The following CCDC171 variants were observed in gnomAD, a reference collection of about 807,000 sequenced individuals.
The protein encoded by CCDC171 is coiled-coil domain containing 171.
A neutral mutation model predicts 168.2 loss-of-function variants in CCDC171; 177 were observed. That is an observed-to-expected ratio of 1.05 (90% CI 0.93 to 1.19). The LOEUF (loss-of-function observed/expected upper bound fraction) is 1.19, where lower values mean the gene tolerates loss of function less well. Ranked by LOEUF, CCDC171 falls within the 50% of genes most tolerant of loss-of-function variation. The pLI, the probability that CCDC171 is intolerant of heterozygous loss-of-function variation, is 0.00. For missense variants in CCDC171, 1,991 were observed against 1,539.0 expected, an observed-to-expected ratio of 1.29 and a Z score of -4.91; for synonymous variants, 687 against 540.8, an observed-to-expected ratio of 1.27 and a Z score of -3.75.
chr9:15,590,393 G>T (rs2041889844), intron 4 of CCDC171, among the ~76,000 whole-genome samples: 1 of 152,104 alleles, frequency 6.6e-6, no homozygotes, highest in South Asian at 2.1e-4. Flanking sequence ...CTTAACTAGG[G>T]ACATTCTTAT....
intron 1 of CCDC171, among the ~76,000 whole-genome samples, chr9:16,044,936 T>G (rs1334088923): frequency 6.6e-6 from 1 of 152,236 alleles, no homozygotes; most frequent in Non-Finnish European, 1.5e-5. Flanking sequence ...CAAGGACACA[T>G]GCTGAGATTG....
chr9:15,886,033 A>G (rs1819351181), intron 24 of CCDC171: 1 of 152,186 alleles, frequency 6.6e-6, no homozygotes, highest in Non-Finnish European at 1.5e-5. Context: ...TGGAATTATC[A>G]AAATCACAGT....
intron 6 of CCDC171, among the ~76,000 whole-genome samples, chr9:15,610,320 G>A (rs2043556797): frequency 4.0e-5 from 6 of 150,588 alleles, no homozygotes; most frequent in Admixed American, 4.0e-4. Flanking sequence ...AAACCTCCTG[G>A]GCTCGGCTGG....
intron 21 of CCDC171, among the ~76,000 whole-genome samples, chr9:15,794,117 T>C (rs1469142914): frequency 6.6e-6 from 1 of 152,180 alleles, no homozygotes; most frequent in African/African-American, 2.4e-5. Flanking sequence ...TATAGGTTTT[T>C]ATTTGATAAT....
chr9:15,708,155 A>C (rs1374147541), intron 11 of CCDC171, among the ~76,000 whole-genome samples: 2 of 152,224 alleles, frequency 1.3e-5, no homozygotes, highest in African/African-American at 4.8e-5. Context: ...CAAAATACTG[A>C]TTATTAAGCA....
chr9:15,718,672 T>C (rs2053251856), intron 11 of CCDC171, among the ~76,000 whole-genome samples: 1 of 152,246 alleles, frequency 6.6e-6, no homozygotes, highest in South Asian at 2.1e-4. Context: ...AGAGTCTCTA[T>C]GTAGTAATCT....
chr9:15,598,212 G>C (rs1053422627), intron 6 of CCDC171, among the ~76,000 whole-genome samples: 6 of 151,956 alleles, frequency 3.9e-5, no homozygotes, highest in Non-Finnish European at 7.4e-5. Flanking sequence ...GTTTGCTCTT[G>C]CTTCTCTAGT....
At chr9:15,778,934 T>A (rs1156334075) in intron 19 of CCDC171, 34 bp from the exon 20 acceptor site, 3 of 1,396,550 alleles carry the variant, frequency 2.1e-6, no homozygotes, top group Non-Finnish European at 2.8e-6. Context: ...AATCTGTAGT[T>A]ACTGTTTATA....
intron 25 of CCDC171, among the ~76,000 whole-genome samples, chr9:15,949,694 G>A (rs1327299442): frequency 6.6e-6 from 1 of 152,156 alleles, no homozygotes; most frequent in African/African-American, 2.4e-5. Context: ...ATCAGCTTAA[G>A]GAGATTTTGG....
At chr9:16,012,295 A>G (rs1366129929) in intron 3 of CCDC171, among the ~76,000 whole-genome samples, 1 of 152,100 alleles carries the variant, frequency 6.6e-6, no homozygotes, top group African/African-American at 2.4e-5. Context: ...TTGGTGTGGA[A>G]GTTGTGTAGG....
At chr9:15,640,706 A>G (rs1304388412) in intron 7 of CCDC171, among the ~76,000 whole-genome samples, 2 of 152,176 alleles carry the variant, frequency 1.3e-5, no homozygotes, top group Admixed American at 6.5e-5. Context: ...TAGAACAAGG[A>G]TGATAAATAG....
intron 4 of CCDC171, among the ~76,000 whole-genome samples, chr9:15,583,274 G>A (rs564953264): frequency 2.0e-5 from 3 of 152,202 alleles, no homozygotes; most frequent in Admixed American, 6.5e-5. Context: ...AATTAGCTGG[G>A]TGTGGTGGCG....
At chr9:16,046,119 T>C (rs2133063336) in intron 1 of CCDC171, among the ~76,000 whole-genome samples, 1 of 152,306 alleles carries the variant, frequency 6.6e-6, no homozygotes, top group Non-Finnish European at 1.5e-5. Flanking sequence ...TCAGCTCTCC[T>C]TGCATCTAAT....
rs578005743 is a variant in CCDC171, at chr9:15,642,528, G to T, written c.823-14599G>T. Among the ~76,000 whole-genome samples the T allele has an allele frequency of 2.6e-5, 4 of 151,628 alleles. No homozygotes were observed. The South Asian group carries it at 8.3e-4, about 32-fold the overall frequency. On this transcript the variant is annotated intron_variant, in intron 7 of 25. Coordinates refer to ENST00000380701, the MANE Select transcript of CCDC171 (RefSeq NM_173550.4). ...AAATTTTTTTGAGCAGCATGTTGAT[G>T]TTCCTCTAGCACCCTCTGCTGGATT...
chr9:15,657,689 C>T (rs141032573), intron 8 of CCDC171, among the ~76,000 whole-genome samples: 3 of 152,148 alleles, frequency 2.0e-5, no homozygotes, highest in African/African-American at 7.2e-5. Context: ...TTGTAACTTA[C>T]ATTTTGTTGT....
chr9:15,968,148 T>A (rs1418317140), intron 25 of CCDC171, among the ~76,000 whole-genome samples: 2 of 152,228 alleles, frequency 1.3e-5, no homozygotes, highest in East Asian at 3.8e-4. Context: ...TAGAATCATT[T>A]ATAGCTTATT....
chr9:15,992,429 T>C (rs1315384641), intron 3 of CCDC171, among the ~76,000 whole-genome samples: 2 of 152,182 alleles, frequency 1.3e-5, no homozygotes, highest in East Asian at 1.9e-4. Context: ...AATTAGGTAT[T>C]GATGGGATGT....
At chr9:15,650,070 TA>T (rs1453469060) in intron 7 of CCDC171, among the ~76,000 whole-genome samples, 1 of 152,046 alleles carries the variant, frequency 6.6e-6, no homozygotes, top group Non-Finnish European at 1.5e-5. Context: ...TATGCAGCCA[TA>T]AAAAAGGATG....
At chr9:15,777,578 C>CT (rs2057395768) in intron 18 of CCDC171, 22 bp from the exon 19 acceptor site, 2 of 1,512,354 alleles carry the variant, frequency 1.3e-6, no homozygotes, top group East Asian at 2.3e-5. Context: ...ATTTTTGTGC[C>CT]TTTTTTTCTT....
Sources: allele counts gnomAD v4.1 joint callset (sites outside exome capture counted in the v4.1 genomes callset), GRCh38; gene constraint gnomAD v4.1.1; transcripts MANE v1.5; gene names NCBI Gene and HGNC (gene_info 2026-07-23, HGNC 2026-07-21).